Variants in CPA1 observed in about 807,000 individuals in gnomAD.
CPA1 encodes the protein carboxypeptidase A1 (pancreatic).
CPA1 carries 42 observed loss-of-function variants against 48.7 expected under a neutral mutation model. That is an observed-to-expected ratio of 0.86 (90% CI 0.67 to 1.11). The LOEUF (loss-of-function observed/expected upper bound fraction) is 1.11. Ranked by LOEUF, CPA1 falls within the 50% of genes most tolerant of loss-of-function variation. The pLI, the probability that CPA1 is intolerant of heterozygous loss-of-function variation, is 0.00. For synonymous variants in CPA1, 203 were observed against 217.9 expected (o/e 0.93, Z 0.60); for missense variants, 477 against 544.7 (o/e 0.88, Z 1.24).
rs782218163 is a variant in CPA1 at position 130,381,212 on chromosome 7, C to T, written c.147+33C>T. ...GAGGGGAGAAGGGCTCTCTGAGGCCCCAGGGTATCAGCTGGGGCCACCCCA... is the reference window on the plus strand; with the variant it reads ...GAGGGGAGAAGGGCTCTCTGAGGCCTCAGGGTATCAGCTGGGGCCACCCCA... On this transcript the variant is annotated intron_variant, in intron 2 of 9. Transcript: ENST00000011292. 5 of 1,557,710 alleles carry T rather than the reference C, an allele frequency of 3.2e-6. No individual in the cohort carries two copies. The African/African-American group carries it at 5.4e-5, about 17-fold the overall frequency.
rs201936657 is a variant in CPA1, at chr7:130,385,192, G to C, written c.834G>C (p.Lys278Asn). Residue 278 changes from lysine to asparagine, a missense_variant, in exon 8 of 10, where the codon AAG becomes AAC. Coordinates refer to ENST00000011292, the MANE Select transcript of CPA1 (RefSeq NM_001868.4). ...SNPCSETYHG[K>N]FANSEVEVKS... is the part of the protein sequence containing the mutation. ...CCTGCTCGGAGACTTACCACGGCAA[G>C]TTTGCCAATTCCGAAGTGGAGGTCA... 15 of 1,614,122 alleles carry C rather than the reference G, an allele frequency of 9.3e-6. No homozygotes were observed. The highest frequency in any genetic ancestry group is 3.3e-5 in the South Asian group (3 of 91,092).
intron 7 of CPA1, 114 bp from the exon 8 acceptor site, chr7:130,385,032 G>A: frequency 2.9e-6 from 3 of 1,036,782 alleles, no homozygotes; most frequent in Non-Finnish European, 2.9e-6. Flanking sequence ...TGAATCCAGG[G>A]GTGGGAGTGA....
At chr7:130,385,720 G>A in intron 8 of CPA1, 119 bp from the exon 9 acceptor site, 1 of 737,380 alleles carries the variant, frequency 1.4e-6, no homozygotes, top group Non-Finnish European at 2.3e-6. Flanking sequence ...GCTCCCTGCT[G>A]GAGGCCCACT....
intron 1 of CPA1, 143 bp from the exon 2 acceptor site, chr7:130,380,955 C>A: frequency 1.4e-6 from 1 of 701,128 alleles, no homozygotes; most frequent in Non-Finnish European, 2.6e-6. Flanking sequence ...TGTTGAGACC[C>A]TTGGTGCTGT....
Position 130,388,035 on chromosome 7 carries a change from G to T in CPA1, c.*24G>T. 1 of 1,611,698 alleles carries T rather than the reference G, an allele frequency of 6.2e-7. No homozygotes were observed. Among genetic ancestry groups the T allele is most frequent in the East Asian group, 2.2e-5 (1 of 44,876 alleles). On this transcript the variant is annotated 3_prime_UTR_variant, in exon 10 of 10. Transcript: ENST00000011292. ...GAGCTGACCCTTTGACACCCTTCTTGTCCTCCTCTCTGGCCCCATCCAGGC... is the reference window on the plus strand; with the variant it reads ...GAGCTGACCCTTTGACACCCTTCTTTTCCTCCTCTCTGGCCCCATCCAGGC...
rs782571072 is a variant in CPA1, at chr7:130,387,902, C to A, written c.1151C>A (p.Thr384Asn). The A allele has an allele frequency of 6.2e-7, 1 of 1,614,214 alleles. No homozygotes were observed. Among genetic ancestry groups the A allele is most frequent in the Non-Finnish European group, 8.5e-7 (1 of 1,180,034 alleles). Reference sequence around the variant, plus strand: ...TCCTTCACCTTCGAGCTCCGGGACACTGGGCGCTATGGCTTCCTGCTGCCA... The same window carrying A: ...TCCTTCACCTTCGAGCTCCGGGACAATGGGCGCTATGGCTTCCTGCTGCCA... ...KYSFTFELRD[T>N]GRYGFLLPAS... The change falls in exon 10 of 10, where the codon ACT (threonine) becomes AAT (asparagine). Residue 384 changes from threonine to asparagine, a missense_variant. Physicochemically the swap from Thr to Asn is moderately conservative, Grantham distance 65. Transcript: ENST00000011292. This position sits in a 1 kb window ranked among gnomAD's most constrained non-coding sequence, Gnocchi z 4.6.
rs1554411257 is a variant in CPA1 at position 130,381,872 on chromosome 7, G to A, written c.381+9G>A. 1 of 1,607,264 alleles carries A rather than the reference G, an allele frequency of 6.2e-7. No homozygotes were observed. The highest frequency in any genetic ancestry group is 8.5e-7 in the Non-Finnish European group (1 of 1,176,708). On this transcript the variant is annotated intron_variant, in intron 3 of 9. Transcript: ENST00000011292. Reference sequence around the variant, plus strand: ...ACCACACCCTGGAGGAGGTGAGGGCGCCCCTAGCGGCCGCTCCCTGCAGCC... The same window carrying A: ...ACCACACCCTGGAGGAGGTGAGGGCACCCCTAGCGGCCGCTCCCTGCAGCC...
In CPA1 at chr7:130,383,695, C is replaced by T. The variant is rs1365787996; in HGVS notation, c.597C>T (p.Asp199=). Residue 199 remains aspartate, a synonymous_variant, in exon 6 of 10, where the codon GAC becomes GAT. Transcript: ENST00000011292. ...CTCTAACCCCCCAGATCACTCAAGA[C>T]TACGGGCAGGATGCAGCTTTCACCG... ...GVWFAKKITQ[D]YGQDAAFTAI... The T allele has an allele frequency of 6.2e-7, 1 of 1,613,552 alleles. No homozygotes were observed. The highest frequency in any genetic ancestry group is 2.2e-5 in the East Asian group (1 of 44,888).
intron 9 of CPA1, 193 bp downstream of exon 9, chr7:130,386,116 C>T (rs1796471469): frequency 3.6e-6 from 2 of 551,586 alleles, no homozygotes; most frequent in Admixed American, 6.1e-5. Context: ...TACTTTCAGA[C>T]AAATGTGAAT....
chr7:130,384,394 C>T (rs1796445047), intron 6 of CPA1, 142 bp from the exon 7 acceptor site: 1 of 672,524 alleles, frequency 1.5e-6, no homozygotes, highest in East Asian at 2.6e-5. Context: ...CCAATCAGGG[C>T]ACTTGTGTTG....
In CPA1 at chr7:130,385,139, C is replaced by T. The variant is rs782535118; in HGVS notation, c.788-7C>T. Reference sequence around the variant, plus strand: ...GCCACACCGCCATGCCCTCTGTCCCCCCACAGTGTCCGGAGCCAGCAGTAA... The same window carrying T: ...GCCACACCGCCATGCCCTCTGTCCCTCCACAGTGTCCGGAGCCAGCAGTAA... On this transcript the variant is annotated splice_region_variant and splice_polypyrimidine_tract_variant and intron_variant, in intron 7 of 9. Transcript: ENST00000011292. 6.2e-7 allele frequency: 1 copy of T among 1,614,048 alleles called. No homozygotes were observed.
rs781971214 is a variant in CPA1 at position 130,387,286 on chromosome 7, T to C, written c.1073-538T>C. Among the ~76,000 whole-genome samples, 5 of 152,200 alleles carry C rather than the reference T, an allele frequency of 3.3e-5. No individual in the cohort carries two copies. Among genetic ancestry groups the C allele is most frequent in the South Asian group, 2.1e-4 (1 of 4,828 alleles). On this transcript the variant is annotated intron_variant, in intron 9 of 9. Coordinates refer to ENST00000011292, the MANE Select transcript of CPA1 (RefSeq NM_001868.4). This position sits in a 1 kb window ranked among gnomAD's most constrained non-coding sequence, Gnocchi z 4.6. Reference sequence around the variant, plus strand: ...AGTCAAGGTTTTGCTTCATTCAACATGGTCAAGTTAAATTCTGATATGCAG... The same window carrying C: ...AGTCAAGGTTTTGCTTCATTCAACACGGTCAAGTTAAATTCTGATATGCAG...
chr7:130,384,638 A>G lies in CPA1; in HGVS notation c.787+12A>G. ...CGCTGGCTTTGGGTGTAAGGCCCAG[A>G]GTGTCTTGGGAGCAAGGATGGGATG... On this transcript the variant is annotated intron_variant, in intron 7 of 9. Coordinates refer to ENST00000011292, the MANE Select transcript of CPA1 (RefSeq NM_001868.4). The G allele has an allele frequency of 6.2e-7, 1 of 1,610,072 alleles. No homozygotes were observed. The highest frequency in any genetic ancestry group is 8.5e-7 in the Non-Finnish European group (1 of 1,176,358).
At chr7:130,381,536 C>A in intron 2 of CPA1, 94 bp from the exon 3 acceptor site, 1 of 882,716 alleles carries the variant, frequency 1.1e-6, no homozygotes, top group Non-Finnish European at 1.8e-6. Context: ...ACTTCTGGCA[C>A]CAACAGCCCC....
Position 130,381,200 on chromosome 7 carries a change from C to T in CPA1, c.147+21C>T, listed in dbSNP as rs782290231. On this transcript the variant is annotated intron_variant, in intron 2 of 9. Transcript: ENST00000011292. Reference sequence around the variant, plus strand: ...TGCAGGTCAGAAGAGGGGAGAAGGGCTCTCTGAGGCCCCAGGGTATCAGCT... The same window carrying T: ...TGCAGGTCAGAAGAGGGGAGAAGGGTTCTCTGAGGCCCCAGGGTATCAGCT... 6 of 1,585,086 alleles carry T rather than the reference C, an allele frequency of 3.8e-6. No homozygotes were observed. In the Admixed American group the frequency reaches 8.4e-5, roughly 22 times the overall value.
chr7:130,384,044 G>A (rs954792166), intron 6 of CPA1: 2 of 540,040 alleles, frequency 3.7e-6, no homozygotes. Context: ...ATGCCAGTAG[G>A]AGCCCCCCTC....
chr7:130,384,596 C>G lies in CPA1; in HGVS notation c.757C>G (p.Pro253Ala). 6.2e-7 allele frequency: 1 copy of G among 1,614,184 alleles called. No homozygotes were observed. Among genetic ancestry groups the G allele is most frequent in the South Asian group, 1.1e-5 (1 of 91,086 alleles). Reference protein sequence around the residue: ...TAGSLCIGVDPNRNWDAGFGL... With the variant: ...TAGSLCIGVDANRNWDAGFGL... ...AGGCTCCCTCTGTATTGGCGTGGAC[C>G]CCAACAGGAACTGGGACGCTGGCTT... Residue 253 changes from proline (P) to alanine (A), a missense_variant, in exon 7 of 10, where the codon CCC (proline) becomes GCC (alanine). Pro to Ala is a conservative substitution (Grantham distance 27). Transcript: ENST00000011292.
At chr7:130,384,788 A>T in intron 7 of CPA1, 162 bp downstream of exon 7, 1 of 649,502 alleles carries the variant, frequency 1.5e-6, no homozygotes, top group Non-Finnish European at 2.7e-6. Context: ...GTGCTCTGAG[A>T]GTTGGTTGTT....
chr7:130,385,796 G>A (rs782092067), intron 8 of CPA1, 43 bp from the exon 9 acceptor site: 4 of 1,537,266 alleles, frequency 2.6e-6, no homozygotes, highest in Non-Finnish European at 3.6e-6. Flanking sequence ...GCTGTTCCAG[G>A]AGCCTGGCCA....
Sources: allele counts gnomAD v4.1 joint callset (sites outside exome capture counted in the v4.1 genomes callset), GRCh38; gene constraint gnomAD v4.1.1; non-coding constraint Gnocchi (gnomAD v3.1); transcripts MANE v1.5; gene names NCBI Gene and HGNC (gene_info 2026-07-23, HGNC 2026-07-21).